Variants in ROBO2 observed in about 807,000 individuals in gnomAD.
ROBO2 encodes the protein roundabout guidance receptor 2.
In ROBO2, 53 loss-of-function variants were observed where a neutral mutation model predicts 160.8. The ratio of observed to expected loss-of-function variants is 0.33; its 90% CI spans 0.26 to 0.41. ROBO2 has a LOEUF of 0.41. Among genes scored for constraint, ROBO2 ranks in the 10% least tolerant of loss-of-function variants. The probability of loss-of-function intolerance (pLI) is 1.00; values close to 1 mark genes in which losing one functional copy is unlikely to be tolerated. For missense variants in ROBO2, 1,577 were observed against 1,722.4 expected, an observed-to-expected ratio of 0.92 and a Z score of 1.49; for synonymous variants, 664 against 611.7, an observed-to-expected ratio of 1.09 and a Z score of -1.26.
At chr3:76,090,794 A>G (rs1245618171) in intron 2 of ROBO2, among the ~76,000 whole-genome samples, 1 of 152,160 alleles carries the variant, frequency 6.6e-6, no homozygotes, top group Non-Finnish European at 1.5e-5. Flanking sequence ...AAACAGACCC[A>G]CATAAATGGA....
intron 2 of ROBO2, among the ~76,000 whole-genome samples, chr3:77,125,435 C>G (rs1339343285): frequency 2.6e-5 from 4 of 152,124 alleles, no homozygotes; most frequent in Non-Finnish European, 4.4e-5. Flanking sequence ...AGATGTGGTG[C>G]TATTGCTTTA....
At chr3:76,034,514 T>C (rs1278930620) in intron 2 of ROBO2, among the ~76,000 whole-genome samples, 1 of 152,196 alleles carries the variant, frequency 6.6e-6, no homozygotes, top group African/African-American at 2.4e-5. Context: ...AAGTTGAAAG[T>C]ATGTTGTTTC....
chr3:76,041,613 T>C (rs2067276298), intron 2 of ROBO2, among the ~76,000 whole-genome samples: 1 of 152,060 alleles, frequency 6.6e-6, no homozygotes, highest in Non-Finnish European at 1.5e-5. Context: ...TAAAGAACTT[T>C]GAACTTTATA....
chr3:75,991,394 G>A (rs538605762), intron 2 of ROBO2, among the ~76,000 whole-genome samples: 7 of 152,142 alleles, frequency 4.6e-5, no homozygotes, highest in African/African-American at 1.7e-4. Context: ...CACTGTTCTT[G>A]TGATAGTGAA....
At chr3:76,874,928 C>T (rs1234189199) in intron 2 of ROBO2, among the ~76,000 whole-genome samples, 2 of 152,156 alleles carry the variant, frequency 1.3e-5, no homozygotes, top group East Asian at 3.9e-4. Flanking sequence ...TTCATTCTGT[C>T]TGTGATTTTA....
intron 2 of ROBO2, among the ~76,000 whole-genome samples, chr3:76,642,340 GCTT>G (rs2090724407): frequency 1.0e-5 from 1 of 95,450 alleles, no homozygotes; most frequent in African/African-American, 4.5e-5. Flanking sequence ...ATTTACACTT[GCTT>G]TTTTTTTTTT....
chr3:76,755,061 T>C (rs3911536), intron 2 of ROBO2, among the ~76,000 whole-genome samples: 99,665 of 151,674 alleles, frequency 0.66, 32,999 homozygotes, highest in African/African-American at 0.74. Flanking sequence ...GGTAATTAAA[T>C]AAATTCTGTA....
At chr3:76,262,563 T>G (rs1426767155) in intron 2 of ROBO2, among the ~76,000 whole-genome samples, 1 of 152,178 alleles carries the variant, frequency 6.6e-6, no homozygotes, top group Non-Finnish European at 1.5e-5. Context: ...TCCATTTTGT[T>G]ACCTTTGGTC....
At chr3:76,517,416 G>A (rs13071741) in intron 2 of ROBO2, among the ~76,000 whole-genome samples, 45,786 of 152,096 alleles carry the variant, frequency 0.3, 8,542 homozygotes, top group Non-Finnish European at 0.41. Flanking sequence ...AACCTTCACA[G>A]GAGCACTAAT....
chr3:76,533,921 A>C (rs550096356), intron 2 of ROBO2, among the ~76,000 whole-genome samples: 2 of 151,938 alleles, frequency 1.3e-5, no homozygotes, highest in African/African-American at 4.8e-5. Flanking sequence ...GCAGGAACTG[A>C]GGTTTCACTT....
At chr3:76,670,125 T>C (rs977329667) in intron 2 of ROBO2, among the ~76,000 whole-genome samples, 3 of 152,204 alleles carry the variant, frequency 2.0e-5, no homozygotes, top group Non-Finnish European at 4.4e-5. Context: ...TTATGCAAAA[T>C]ACCTTGTATA....
At chr3:77,383,951 G>C (rs996330040) in intron 2 of ROBO2, among the ~76,000 whole-genome samples, 5 of 152,122 alleles carry the variant, frequency 3.3e-5, no homozygotes, top group Non-Finnish European at 7.4e-5. Context: ...ATTGTAGTTA[G>C]AATACTTAAC....
intron 2 of ROBO2, among the ~76,000 whole-genome samples, chr3:76,198,363 T>C (rs138013747): frequency 0.013 from 1,938 of 152,286 alleles, 20 homozygotes; most frequent in Middle Eastern, 0.034. Context: ...AACAGAGATC[T>C]TAAGACTGAC....
At chr3:76,272,786 TAAAATATATATATATA>T (rs1271215230) in intron 2 of ROBO2, among the ~76,000 whole-genome samples, 2 of 27,156 alleles carry the variant, frequency 7.4e-5, no homozygotes, top group South Asian at 1.4e-3. Context: ...ATAAAATATA[TAAAATATATATATATA>T]AAATATATAA....
At chr3:76,077,285 G>C (rs78708262) in intron 2 of ROBO2, among the ~76,000 whole-genome samples, 2 of 152,130 alleles carry the variant, frequency 1.3e-5, no homozygotes, top group Non-Finnish European at 2.9e-5. Flanking sequence ...TAATGAGGCC[G>C]GGTGAAGTGG....
At chr3:76,672,073 C>CA (rs139910779) in intron 2 of ROBO2, among the ~76,000 whole-genome samples, 44 of 151,366 alleles carry the variant, frequency 2.9e-4, no homozygotes, top group African/African-American at 9.7e-4. Flanking sequence ...ATTACTTCAA[C>CA]AAAAAAAAGC....
intron 2 of ROBO2, among the ~76,000 whole-genome samples, chr3:77,420,842 A>G (rs143853625): frequency 6.6e-6 from 1 of 152,134 alleles, no homozygotes; most frequent in Non-Finnish European, 1.5e-5. Flanking sequence ...ATCAAATGCT[A>G]TATCATTGCA....
At chr3:76,817,661 CT>C (rs1263159620) in intron 2 of ROBO2, among the ~76,000 whole-genome samples, 13 of 152,126 alleles carry the variant, frequency 8.5e-5, no homozygotes, top group African/African-American at 2.6e-4. Context: ...ACCCTTCCCC[CT>C]GAGTCCCCAA....
At chr3:76,478,689 T>C (rs1242215183) in intron 2 of ROBO2, among the ~76,000 whole-genome samples, 1 of 150,568 alleles carries the variant, frequency 6.6e-6, no homozygotes, top group Non-Finnish European at 1.5e-5. Context: ...TGTTTTTTTT[T>C]TTTTTTTTTT....
Sources: allele counts gnomAD v4.1 joint callset (sites outside exome capture counted in the v4.1 genomes callset), GRCh38; gene constraint gnomAD v4.1.1; transcripts MANE v1.5; gene names NCBI Gene and HGNC (gene_info 2026-07-23, HGNC 2026-07-21).